The following ANKS1A variants were observed in gnomAD, a reference collection of about 807,000 sequenced individuals.
The protein encoded by ANKS1A is ankyrin repeat and sterile alpha motif domain containing 1A, also known as ankyrin repeat and SAM domain-containing protein 1A.
In ANKS1A, 55 loss-of-function variants were observed where a neutral mutation model predicts 120.3. The ratio of observed to expected loss-of-function variants is 0.46; its 90% CI spans 0.37 to 0.57. The LOEUF (loss-of-function observed/expected upper bound fraction) is 0.57. Among genes scored for constraint, ANKS1A ranks in the 20% least tolerant of loss-of-function variants. ANKS1A has a pLI of 0.00. For missense variants in ANKS1A, 1,123 were observed against 1,480.3 expected, an observed-to-expected ratio of 0.76 and a Z score of 3.96; for synonymous variants, 590 against 604.7, an observed-to-expected ratio of 0.98 and a Z score of 0.36.
At chr6:35,065,759 C>T (rs745672697) in intron 13 of ANKS1A, among the ~76,000 whole-genome samples, 5 of 152,352 alleles carry the variant, frequency 3.3e-5, no homozygotes, top group South Asian at 4.1e-4. Context: ...CCAGGTCAGA[C>T]GTCCACCCAC....
rs1291714359 is a variant in ANKS1A at position 35,086,278 on chromosome 6, GC to G, written c.3303+348del. The G allele has an allele frequency of 3.8e-6, 5 of 1,330,944 alleles. No individual in the cohort carries two copies. The highest frequency in any genetic ancestry group is 4.9e-6 in the Non-Finnish European group (5 of 1,016,360). 82.4% of individuals were successfully genotyped at this position (1,330,944 alleles called of 1,614,324 possible). Reference sequence around the variant, plus strand: ...TTTGCTCTGCACCCCAGGTGCCGCTGCCCCCCGATAGTCGCTGTTGTTACTG... The same window carrying G: ...TTTGCTCTGCACCCCAGGTGCCGCTGCCCCCGATAGTCGCTGTTGTTACTG... On this transcript the variant is annotated intron_variant, in intron 22 of 23. Coordinates refer to ENST00000360359, the MANE Select transcript of ANKS1A (RefSeq NM_015245.3). This position sits in a 1 kb window ranked among gnomAD's most constrained non-coding sequence, Gnocchi z 5.1.
Position 35,091,072 on chromosome 6 carries a change from C to T in ANKS1A, c.*2463C>T. On this transcript the variant is annotated 3_prime_UTR_variant, in exon 24 of 24. Coordinates refer to ENST00000360359, the MANE Select transcript of ANKS1A (RefSeq NM_015245.3). ...GGGTCTGTCTTTGAGATGCCCAGGC[C>T]AGCAGAAAGCAGCTCAGAAGTATTG... 1 of 985,882 alleles carries T rather than the reference C, an allele frequency of 1.0e-6. No individual in the cohort carries two copies. The highest frequency in any genetic ancestry group is 1.2e-6 in the Non-Finnish European group (1 of 829,940). The allele number at this position is 985,882 out of a possible 1,614,324, so 61.1% of individuals were successfully genotyped here.
At chr6:35,080,903 TG>T in intron 16 of ANKS1A, 90 bp from the exon 17 acceptor site, 1 of 1,468,448 alleles carries the variant, frequency 6.8e-7, no homozygotes, top group Non-Finnish European at 9.2e-7. Context: ...TGCCGCTGCC[TG>T]TGCCGTCCTA....
At chr6:34,908,243 TA>T (rs769492768) in intron 1 of ANKS1A, among the ~76,000 whole-genome samples, 1 of 152,302 alleles carries the variant, frequency 6.6e-6, no homozygotes, top group East Asian at 1.9e-4. Flanking sequence ...AGTGGGGCCC[TA>T]CCTTTCAAGA....
chr6:34,988,926 A>G (rs1242134919), intron 8 of ANKS1A, among the ~76,000 whole-genome samples: 1 of 152,114 alleles, frequency 6.6e-6, no homozygotes, highest in East Asian at 1.9e-4. Context: ...TATGAAGGAA[A>G]TTTTCTAACA....
Position 35,017,576 on chromosome 6 carries a change from G to A in ANKS1A, c.1527G>A (p.Val509=). ...FSGLLHGSSP[V]CEVGQDPFQL... ...GCCTCCTCCACGGCTCCTCCCCGGT[G>A]TGCGAGGTGGGGCAGGACCCTTTCC... Residue 509 remains valine (V), a synonymous_variant, in exon 11 of 24, where the codon GTG becomes GTA. Coordinates refer to ENST00000360359, the MANE Select transcript of ANKS1A (RefSeq NM_015245.3). 1 of 1,614,058 alleles carries A rather than the reference G, an allele frequency of 6.2e-7. No individual in the cohort carries two copies. The highest frequency in any genetic ancestry group is 8.5e-7 in the Non-Finnish European group (1 of 1,179,972).
intron 3 of ANKS1A, among the ~76,000 whole-genome samples, chr6:34,979,972 G>GAA (rs1253059565): frequency 2.6e-5 from 4 of 152,238 alleles, no homozygotes; most frequent in Non-Finnish European, 5.9e-5. Flanking sequence ...AAAAAAGAGA[G>GAA]AAATTGAAGG....
chr6:34,889,615 G>T lies in ANKS1A; in HGVS notation c.197+16G>T. The T allele has an allele frequency of 2.3e-6, 3 of 1,284,032 alleles. No individual in the cohort carries two copies. Among genetic ancestry groups the T allele is most frequent in the South Asian group, 6.7e-5 (2 of 29,950 alleles). The allele number at this position is 1,284,032 out of a possible 1,614,324, so 79.5% of individuals were successfully genotyped here. A position where few individuals can be genotyped will look rare whatever the true frequency, so the allele number is the denominator to read the frequency against. On this transcript the variant is annotated intron_variant, in intron 1 of 23. Transcript: ENST00000360359. The surrounding 1 kb of genome is among the most constrained non-coding windows in gnomAD (Gnocchi z 5.5). ...GTCTGCTCAGGTGGGTACGCGCCAG[G>T]GCCGGGCCGCTGCCTGCAGACCCTT...
intron 1 of ANKS1A, among the ~76,000 whole-genome samples, chr6:34,951,205 TA>T (rs1770077164): frequency 1.3e-5 from 2 of 152,144 alleles, no homozygotes; most frequent in Non-Finnish European, 2.9e-5. Context: ...TTTTATAGAT[TA>T]TTTACGAAAA....
chr6:35,087,168 GC>G, intron 23 of ANKS1A, 119 bp downstream of exon 23: 2 of 1,020,184 alleles, frequency 2.0e-6, no homozygotes, highest in Non-Finnish European at 3.0e-6. Context: ...TGATGCCAAG[GC>G]CCCACCTGCA....
intron 11 of ANKS1A, among the ~76,000 whole-genome samples, chr6:35,031,689 T>C (rs1015198346): frequency 6.6e-6 from 1 of 152,136 alleles, no homozygotes; most frequent in Non-Finnish European, 1.5e-5. Context: ...TGTGGCTGCC[T>C]TACCATGTTC....
In ANKS1A at chr6:35,081,054, C is replaced by T. The variant is rs541932194; in HGVS notation, c.2605C>T (p.Arg869Trp). ...GAGTCAGAATGATTCCTGCACTGGG[C>T]GGTCGGCAGATCTGCTGCTGCCTCC... ...PLSQNDSCTG[R>W]SADLLLPPGD... Residue 869 changes from arginine to tryptophan, a missense_variant, in exon 17 of 24, where the codon CGG (arginine) becomes TGG (tryptophan). Transcript: ENST00000360359. 20 of 1,614,010 alleles carry T rather than the reference C, an allele frequency of 1.2e-5. No homozygotes were observed. The highest frequency in any genetic ancestry group is 1.7e-4 in the Middle Eastern group (1 of 6,060).
chr6:35,027,478 T>C (rs1050632150), intron 11 of ANKS1A, among the ~76,000 whole-genome samples: 1 of 152,204 alleles, frequency 6.6e-6, no homozygotes, highest in Non-Finnish European at 1.5e-5. Flanking sequence ...TGTGTATGCA[T>C]GCACGCATGT....
At chr6:34,943,788 A>C (rs1769646684) in intron 1 of ANKS1A, among the ~76,000 whole-genome samples, 1 of 152,232 alleles carries the variant, frequency 6.6e-6, no homozygotes. Flanking sequence ...CCTGGATAAT[A>C]AGCCCATTGT....
chr6:35,005,594 A>G lies in ANKS1A; in HGVS notation c.1423+11172A>G, dbSNP rs771121428. ...GATAAAAGCAGATAGTATATTGCTG[A>G]TATTTTATGTTATGTGTGCTACACC... On this transcript the variant is annotated intron_variant, in intron 10 of 23. Transcript: ENST00000360359. 8.5e-5 allele frequency among the ~76,000 whole-genome samples: 13 copies of G among 152,374 alleles called. No individual in the cohort carries two copies. The South Asian group carries it at 1.4e-3, about 17-fold the overall frequency.
chr6:35,045,823 C>G (rs149178719), intron 11 of ANKS1A, among the ~76,000 whole-genome samples: 23 of 152,276 alleles, frequency 1.5e-4, no homozygotes, highest in African/African-American at 5.3e-4. Flanking sequence ...GCAGTGAGGA[C>G]CCCACTGAAA....
chr6:34,914,701 T>C (rs1444159421), intron 1 of ANKS1A, among the ~76,000 whole-genome samples: 2 of 152,230 alleles, frequency 1.3e-5, no homozygotes. Context: ...GCCTTTGGGC[T>C]TCCTGTGTTA....
At chr6:35,016,028 G>A (rs1001843721) in intron 10 of ANKS1A, among the ~76,000 whole-genome samples, 3 of 152,188 alleles carry the variant, frequency 2.0e-5, no homozygotes, top group Admixed American at 6.5e-5. Flanking sequence ...GGAGAAGTGT[G>A]CCATCATGAC....
rs183056487 is a variant in ANKS1A at position 34,975,572 on chromosome 6, A to G, written c.435+5406A>G. ...CCAGGAATTTGGGACCAGCCTGGGC[A>G]ATATAATGCGATCCCATCTCTAGAA... On this transcript the variant is annotated intron_variant, in intron 3 of 23. Coordinates refer to ENST00000360359, the MANE Select transcript of ANKS1A (RefSeq NM_015245.3). 2.0e-3 allele frequency among the ~76,000 whole-genome samples: 307 copies of G among 152,184 alleles called. 1 individual carries two copies. The highest frequency in any genetic ancestry group is 6.9e-3 in the African/African-American group (286 of 41,524).
Sources: allele counts gnomAD v4.1 joint callset (sites outside exome capture counted in the v4.1 genomes callset), GRCh38; gene constraint gnomAD v4.1.1; non-coding constraint Gnocchi (gnomAD v3.1); transcripts MANE v1.5; gene names NCBI Gene and HGNC (gene_info 2026-07-23, HGNC 2026-07-21).